Variants in DSCAM observed in about 807,000 individuals in gnomAD.
DSCAM encodes DS cell adhesion molecule, also known as cell adhesion molecule DSCAM.
In DSCAM, 47 loss-of-function variants were observed where a neutral mutation model predicts 217.7. The observed-to-expected ratio is 0.22, with a 90% confidence interval of 0.17 to 0.28. The LOEUF (loss-of-function observed/expected upper bound fraction) is 0.28. Ranked by LOEUF, DSCAM falls within the 10% of genes least tolerant of loss-of-function variation. DSCAM has a pLI of 1.00. For synonymous variants in DSCAM, 1,056 were observed against 1,015.3 expected (o/e 1.04, Z -0.76); for missense variants, 2,080 against 2,618.3 (o/e 0.79, Z 4.49).
At chr21:40,064,377 G>A (rs147325977) in intron 27 of DSCAM, among the ~76,000 whole-genome samples, 2,137 of 152,064 alleles carry the variant, frequency 0.014, 29 homozygotes, top group Non-Finnish European at 0.019. Flanking sequence ...CATTCTGCCC[G>A]CCACAATAAT....
At chr21:40,259,661 CTTTTTTTTTTTTTTTTT>C (rs542106779) in intron 11 of DSCAM, among the ~76,000 whole-genome samples, 7 of 59,518 alleles carry the variant, frequency 1.2e-4, no homozygotes, top group East Asian at 4.5e-4. Context: ...GTCAGCCATT[CTTTTTTTTTTTTTTTTT>C]TTTTTTTTTT....
chr21:40,364,625 A>C (rs1349520018), intron 4 of DSCAM, among the ~76,000 whole-genome samples: 1 of 151,498 alleles, frequency 6.6e-6, no homozygotes, highest in Non-Finnish European at 1.5e-5. Context: ...ACATATATAC[A>C]TATGTAACAT....
At chr21:40,015,295 C>T (rs1440489149) in intron 32 of DSCAM, among the ~76,000 whole-genome samples, 2 of 152,162 alleles carry the variant, frequency 1.3e-5, no homozygotes, top group African/African-American at 4.8e-5. Flanking sequence ...CCAAATACTG[C>T]TTCTCTCCTG....
intron 32 of DSCAM, among the ~76,000 whole-genome samples, chr21:40,028,817 C>T (rs1167868720): frequency 6.6e-6 from 1 of 152,246 alleles, no homozygotes; most frequent in Non-Finnish European, 1.5e-5. Flanking sequence ...ACGCTGGGAG[C>T]TGCAGACCGG....
At chr21:40,610,180 A>G (rs1283744253) in intron 3 of DSCAM, among the ~76,000 whole-genome samples, 1 of 152,212 alleles carries the variant, frequency 6.6e-6, no homozygotes, top group Admixed American at 6.5e-5. Flanking sequence ...CCAGCGAGAC[A>G]ATATCCACTC....
At chr21:40,554,626 A>G (rs534715388) in intron 3 of DSCAM, among the ~76,000 whole-genome samples, 2 of 152,344 alleles carry the variant, frequency 1.3e-5, no homozygotes, top group South Asian at 4.1e-4. Flanking sequence ...ATCCACTCAC[A>G]TAGAGGGAGA....
intron 3 of DSCAM, among the ~76,000 whole-genome samples, chr21:40,632,438 A>G (rs1042546051): frequency 3.9e-5 from 6 of 152,198 alleles, no homozygotes; most frequent in African/African-American, 1.4e-4. Flanking sequence ...ACTATCACAC[A>G]TATATTGGGG....
chr21:40,633,287 A>C (rs1335712490), intron 3 of DSCAM, among the ~76,000 whole-genome samples: 1 of 152,214 alleles, frequency 6.6e-6, no homozygotes, highest in African/African-American at 2.4e-5. Context: ...AGGAATGCAC[A>C]CAACGTATAA....
intron 3 of DSCAM, among the ~76,000 whole-genome samples, chr21:40,630,306 A>G (rs1018561244): frequency 4.6e-5 from 7 of 152,372 alleles, no homozygotes; most frequent in South Asian, 4.1e-4. Flanking sequence ...GTTGCTTTAA[A>G]TGGTGTATAG....
rs944765034 is a variant in DSCAM at position 40,026,678 on chromosome 21, G to A, written c.5687-13292C>T. Among the ~76,000 whole-genome samples the A allele has an allele frequency of 2.1e-4, 31 of 148,630 alleles. No individual in the cohort carries two copies. In the South Asian group the frequency reaches 2.3e-3, roughly 11 times the overall value. Reference sequence around the variant, plus strand: ...TGTTGGCTTAAAGTCTGTTTTATCCGAGACTAGGATTGCAACCCCTGCCTT... The same window carrying A: ...TGTTGGCTTAAAGTCTGTTTTATCCAAGACTAGGATTGCAACCCCTGCCTT... On this transcript the variant is annotated intron_variant, in intron 32 of 32. Coordinates refer to ENST00000400454, the MANE Select transcript of DSCAM (RefSeq NM_001389.5).
At chr21:40,131,943 A>G (rs1437383731) in intron 19 of DSCAM, among the ~76,000 whole-genome samples, 4 of 152,220 alleles carry the variant, frequency 2.6e-5, no homozygotes, top group Non-Finnish European at 5.9e-5. Context: ...TAAAACTCCA[A>G]TATTAATTAA....
At chr21:40,782,460 G>A (rs943682538) in intron 1 of DSCAM, among the ~76,000 whole-genome samples, 1 of 152,228 alleles carries the variant, frequency 6.6e-6, no homozygotes, top group Non-Finnish European at 1.5e-5. Flanking sequence ...GGGCGCAGTG[G>A]CTCAAGCCTG....
intron 16 of DSCAM, among the ~76,000 whole-genome samples, chr21:40,156,787 T>C (rs1462825301): frequency 1.3e-5 from 2 of 152,222 alleles, no homozygotes; most frequent in Admixed American, 6.5e-5. Flanking sequence ...TATTGGGAAC[T>C]GGAGCAAAGG....
At chr21:40,376,588 TTATATCGATATCTATATATCTTATA>T (rs2074960055) in intron 3 of DSCAM, among the ~76,000 whole-genome samples, 5 of 41,164 alleles carry the variant, frequency 1.2e-4, no homozygotes, top group Admixed American at 9.9e-4. Context: ...TCTATATATC[TTATATCGATATCTATATATCTTATA>T]TAGATATCGA....
chr21:40,376,730 T>TCATATATATCTTATATA (rs1268395907), intron 3 of DSCAM, among the ~76,000 whole-genome samples: 8 of 147,652 alleles, frequency 5.4e-5, no homozygotes, highest in African/African-American at 1.5e-4. Context: ...ATCATATATA[T>TCATATATATCTTATATA]GATATATATA....
intron 2 of DSCAM, among the ~76,000 whole-genome samples, chr21:40,694,659 C>G (rs1168657652): frequency 6.6e-6 from 1 of 151,644 alleles, no homozygotes; most frequent in African/African-American, 2.4e-5. Context: ...ACTGTAATCC[C>G]CAAGCGGCAT....
intron 32 of DSCAM, among the ~76,000 whole-genome samples, chr21:40,031,859 T>G (rs1173967611): frequency 6.6e-6 from 1 of 152,198 alleles, no homozygotes; most frequent in Non-Finnish European, 1.5e-5. Context: ...CTTCCTCTGT[T>G]TAACCCCCTT....
chr21:40,693,983 T>A (rs2090569896), intron 2 of DSCAM, among the ~76,000 whole-genome samples: 1 of 152,104 alleles, frequency 6.6e-6, no homozygotes. Context: ...ATGGGGATGA[T>A]GTTGGTAGCA....
chr21:40,442,104 T>A (rs749663793), intron 3 of DSCAM, among the ~76,000 whole-genome samples: 10 of 152,172 alleles, frequency 6.6e-5, no homozygotes, highest in Non-Finnish European at 1.5e-4. Context: ...CCGAGCATAT[T>A]TGCTGAAAGA....
Sources: gnomAD v4.1 joint callset for allele counts (sites outside exome capture counted in the v4.1 genomes callset) on GRCh38, gnomAD v4.1.1 for gene constraint, MANE v1.5 for transcripts, NCBI Gene and HGNC (gene_info 2026-07-23, HGNC 2026-07-21) for gene names.